Variants in IL1RAPL2 observed in about 807,000 individuals in gnomAD.
IL1RAPL2 encodes interleukin 1 receptor accessory protein like 2, also known as X-linked interleukin-1 receptor accessory protein-like 2.
A neutral mutation model predicts 44.1 loss-of-function variants in IL1RAPL2; 3 were observed. The observed-to-expected ratio is 0.07, with a 90% CI of 0.03 to 0.18. The LOEUF is 0.18. IL1RAPL2 is among the 10% of genes least tolerant of loss of function. The pLI, the probability that IL1RAPL2 is intolerant of heterozygous loss-of-function variation, is 1.00. For missense variants in IL1RAPL2, 391 were observed against 496.4 expected (o/e 0.79, Z 2.02); for synonymous variants, 181 against 178.8 (o/e 1.01, Z -0.10).
intron 6 of IL1RAPL2, among the ~76,000 whole-genome samples, chrX:105,559,354 T>C (rs781404652): frequency 2.7e-5 from 3 of 112,250 alleles, no homozygotes; most frequent in Non-Finnish European, 5.6e-5. Context: ...CATATACATA[T>C]CTGACAAGTT....
At chrX:105,117,325 C>G (rs1379591783) in intron 2 of IL1RAPL2, among the ~76,000 whole-genome samples, 3 of 111,686 alleles carry the variant, frequency 2.7e-5, no homozygotes, top group African/African-American at 9.8e-5. Flanking sequence ...GGGTTTTTGA[C>G]TTTTTTGGGG....
At chrX:105,152,421 T>C (rs1444322785) in intron 2 of IL1RAPL2, among the ~76,000 whole-genome samples, 1 of 112,086 alleles carries the variant, frequency 8.9e-6, no homozygotes, top group Non-Finnish European at 1.9e-5. Flanking sequence ...CAACAACTTC[T>C]TCCTTTGTTG....
intron 2 of IL1RAPL2, among the ~76,000 whole-genome samples, chrX:105,054,510 T>A (rs770574790): frequency 3.6e-5 from 4 of 111,923 alleles, no homozygotes; most frequent in Admixed American, 9.5e-5. Flanking sequence ...GGCCTTGAAC[T>A]CCTAAGCTCA....
chrX:105,131,767 T>G (rs1375398553), intron 2 of IL1RAPL2, among the ~76,000 whole-genome samples: 1 of 111,682 alleles, frequency 9.0e-6, no homozygotes, highest in Non-Finnish European at 1.9e-5. Context: ...TGGAAAAATG[T>G]AACAGTCAGA....
chrX:105,495,925 A>G (rs1187253004), intron 6 of IL1RAPL2, among the ~76,000 whole-genome samples: 2 of 111,608 alleles, frequency 1.8e-5, no homozygotes, highest in African/African-American at 6.5e-5. Flanking sequence ...ATGTTTCATT[A>G]TACTCTACTC....
At chrX:105,742,398 G>A (rs1285130627) in intron 8 of IL1RAPL2, among the ~76,000 whole-genome samples, 2 of 111,239 alleles carry the variant, frequency 1.8e-5, no homozygotes, top group African/African-American at 6.5e-5. Flanking sequence ...GAAAAATAAT[G>A]GGGGGTGTCT....
At chrX:104,660,360 A>G (rs959591926) in intron 2 of IL1RAPL2, among the ~76,000 whole-genome samples, 12 of 109,377 alleles carry the variant, frequency 1.1e-4, no homozygotes, top group African/African-American at 3.3e-4. Flanking sequence ...TTACTCGGTC[A>G]TGTCATAATG....
chrX:105,117,578 G>A (rs2032875166), intron 2 of IL1RAPL2, among the ~76,000 whole-genome samples: 3 of 110,845 alleles, frequency 2.7e-5, no homozygotes, highest in African/African-American at 9.9e-5. Context: ...GAATCATGGG[G>A]GCAGTTACCC....
chrX:104,798,753 A>C (rs1372139353), intron 2 of IL1RAPL2, among the ~76,000 whole-genome samples: 2 of 111,047 alleles, frequency 1.8e-5, no homozygotes, highest in Non-Finnish European at 3.8e-5. Flanking sequence ...CCTTGAGGCC[A>C]CCTCTTTAAG....
chrX:105,242,313 T>C (rs1452533294), intron 4 of IL1RAPL2, among the ~76,000 whole-genome samples: 1 of 112,540 alleles, frequency 8.9e-6, no homozygotes, highest in African/African-American at 3.2e-5. Flanking sequence ...ATTACTAAAG[T>C]CATGTGAACT....
At chrX:105,277,154 G>A (rs1177567819) in intron 5 of IL1RAPL2, among the ~76,000 whole-genome samples, 1 of 112,053 alleles carries the variant, frequency 8.9e-6, no homozygotes, top group Admixed American at 9.5e-5. Context: ...ATTGGCATAT[G>A]TTCTCTCTCC....
chrX:104,880,351 T>C (rs1311582544), intron 2 of IL1RAPL2, among the ~76,000 whole-genome samples: 6 of 111,635 alleles, frequency 5.4e-5, no homozygotes, highest in Admixed American at 3.8e-4. Context: ...AGGATAGTAC[T>C]TCTTCAGAGA....
rs1474433003 is a variant in IL1RAPL2, at chrX:104,963,588, C to A, written c.83-231887C>A. Among the ~76,000 whole-genome samples the A allele has an allele frequency of 4.5e-5, 5 of 111,238 alleles. No homozygotes were observed. In the East Asian group the frequency reaches 1.4e-3, roughly 32 times the overall value. ...AGGGTAGTAAATAGATTTCCATGCC[C>A]CAGACCCAAATAAAATATCACCAGT... is the stretch of plus-strand genomic sequence containing the variant. On this transcript the variant is annotated intron_variant, in intron 2 of 10. Transcript: ENST00000372582.
intron 6 of IL1RAPL2, among the ~76,000 whole-genome samples, chrX:105,565,422 A>T (rs1222815098): frequency 1.8e-5 from 2 of 111,592 alleles, no homozygotes; most frequent in East Asian, 5.7e-4. Flanking sequence ...CTATTCTACC[A>T]TGGATTTTCT....
intron 1 of IL1RAPL2, among the ~76,000 whole-genome samples, chrX:104,606,686 C>T (rs1929019857): frequency 9.0e-6 from 1 of 111,051 alleles, no homozygotes; most frequent in South Asian, 3.8e-4. Flanking sequence ...CATGAGTGAA[C>T]TCCCATTCAC....
At chrX:104,767,713 A>C (rs1383233487) in intron 2 of IL1RAPL2, among the ~76,000 whole-genome samples, 7 of 112,266 alleles carry the variant, frequency 6.2e-5, no homozygotes, top group Non-Finnish European at 1.3e-4. Flanking sequence ...CACCATTCAA[A>C]ACAACATGGT....
chrX:105,654,596 A>C (rs1404650999), intron 6 of IL1RAPL2, among the ~76,000 whole-genome samples: 2 of 111,741 alleles, frequency 1.8e-5, no homozygotes, highest in African/African-American at 6.5e-5. Context: ...TTTTAAATTA[A>C]ATATTTAAAA....
At chrX:104,958,307 T>A (rs1300351872) in intron 2 of IL1RAPL2, among the ~76,000 whole-genome samples, 4 of 108,138 alleles carry the variant, frequency 3.7e-5, no homozygotes, top group African/African-American at 1.4e-4. Flanking sequence ...GGGAGAGATG[T>A]GTTTTGTTCT....
At chrX:105,101,727 G>C (rs2147560487) in intron 2 of IL1RAPL2, among the ~76,000 whole-genome samples, 1 of 111,664 alleles carries the variant, frequency 9.0e-6, no homozygotes, top group Non-Finnish European at 1.9e-5. Context: ...CCCTTTGGCA[G>C]GTATATGTTG....
Sources: allele counts gnomAD v4.1 joint callset (sites outside exome capture counted in the v4.1 genomes callset), GRCh38; gene constraint gnomAD v4.1.1; transcripts MANE v1.5; gene names NCBI Gene and HGNC (gene_info 2026-07-23, HGNC 2026-07-21).